Variants in EVL observed in about 807,000 individuals in gnomAD.
EVL encodes Enah/Vasp-like.
In EVL, 21 loss-of-function variants were observed where a neutral mutation model predicts 59.6. That is an observed-to-expected ratio of 0.35 (90% CI 0.25 to 0.51). EVL has a LOEUF of 0.51. Among genes scored for constraint, EVL ranks in the 20% least tolerant of loss-of-function variants. The pLI is 0.97. For synonymous variants in EVL, 198 were observed against 203.5 expected (o/e 0.97, Z 0.23); for missense variants, 462 against 546.6 (o/e 0.85, Z 1.54).
intron 1 of EVL, among the ~76,000 whole-genome samples, chr14:100,000,340 CT>C (rs60864913): frequency 0.088 from 8,776 of 99,400 alleles, 221 homozygotes; most frequent in African/African-American, 0.23. Context: ...CTGTTGCATT[CT>C]TTTTTTTTTT....
intron 10 of EVL, 22 bp downstream of exon 10, chr14:100,137,666 T>G: frequency 6.2e-7 from 1 of 1,614,142 alleles, no homozygotes. Context: ...CAGGAAGGCC[T>G]GAGCAGCGAG....
At chr14:100,020,701 T>C (rs2061108380) in intron 1 of EVL, among the ~76,000 whole-genome samples, 1 of 152,178 alleles carries the variant, frequency 6.6e-6, no homozygotes, top group Non-Finnish European at 1.5e-5. Flanking sequence ...AAGAGAAAAC[T>C]ACAGACCTGT....
chr14:100,034,816 A>AAAGCC (rs1243214397), intron 1 of EVL, among the ~76,000 whole-genome samples: 1 of 152,148 alleles, frequency 6.6e-6, no homozygotes, highest in Non-Finnish European at 1.5e-5. Context: ...TCCTCCTCTT[A>AAAGCC]TTGGTAATTA....
At position 100,123,626 on chromosome 14, in the gene EVL, A is replaced by G. The variant is rs748793176; in HGVS notation, c.422+24A>G. Reference sequence around the variant, plus strand: ...AGGTAACCCAGCACCCGCAGGGGCCAGGCTGGTCATCTCCCAATCAGGCTG... The same window carrying G: ...AGGTAACCCAGCACCCGCAGGGGCCGGGCTGGTCATCTCCCAATCAGGCTG... On this transcript the variant is annotated intron_variant, in intron 4 of 13. Transcript: ENST00000392920. 3.7e-6 allele frequency: 6 copies of G among 1,613,458 alleles called. No homozygotes were observed. In the East Asian group the frequency reaches 1.1e-4, roughly 30 times the overall value.
At chr14:100,031,169 G>A (rs932298922) in intron 1 of EVL, among the ~76,000 whole-genome samples, 5 of 152,166 alleles carry the variant, frequency 3.3e-5, no homozygotes. Context: ...CAACTGGGAA[G>A]GCCCATTGCA....
chr14:100,126,946 G>C (rs994606826), intron 5 of EVL, among the ~76,000 whole-genome samples, 175 bp downstream of exon 5: 1 of 152,202 alleles, frequency 6.6e-6, no homozygotes, highest in Admixed American at 6.5e-5. Context: ...CAGAGCAGAG[G>C]CTTGGGGAGT....
chr14:100,084,371 G>A (rs1457830923), intron 1 of EVL, among the ~76,000 whole-genome samples: 1 of 152,114 alleles, frequency 6.6e-6, no homozygotes, highest in Admixed American at 6.5e-5. Context: ...TACAGTACAT[G>A]GAATGTTGTG....
chr14:100,119,132 G>T lies in EVL; in HGVS notation c.359-4407G>T, dbSNP rs150818979. Among the ~76,000 whole-genome samples, 32 of 152,336 alleles carry T rather than the reference G, an allele frequency of 2.1e-4. 1 individual carries two copies. The East Asian group carries it at 2.5e-3, about 12-fold the overall frequency. On this transcript the variant is annotated intron_variant, in intron 3 of 13. Transcript: ENST00000392920. ...ATGAATGCCCAGCCACCCTGCTCTT[G>T]TTTGATGTTGGACCTGAAATTTCCC... is the stretch of plus-strand genomic sequence containing the variant.
chr14:100,119,418 C>T (rs57612702), intron 3 of EVL, among the ~76,000 whole-genome samples: 15,910 of 152,194 alleles, frequency 0.1, 1,257 homozygotes, highest in African/African-American at 0.21. Flanking sequence ...CCCTGTGGCT[C>T]TGGGCAAGTC....
chr14:100,013,093 C>G (rs2061027032), intron 1 of EVL, among the ~76,000 whole-genome samples: 1 of 152,046 alleles, frequency 6.6e-6, no homozygotes, highest in Admixed American at 6.6e-5. Flanking sequence ...TCTAGCCATT[C>G]TAGTTCCATC....
At chr14:100,047,575 TA>T (rs2061574143) in intron 1 of EVL, among the ~76,000 whole-genome samples, 1 of 152,208 alleles carries the variant, frequency 6.6e-6, no homozygotes, top group Admixed American at 6.5e-5. Context: ...TTTGCCTTAT[TA>T]TCTTAGTTGC....
In EVL at chr14:100,135,979, G is replaced by C. The variant is rs775398910; in HGVS notation, c.964+11G>C. 1.2e-6 allele frequency: 2 copies of C among 1,613,112 alleles called. No individual in the cohort carries two copies. Among genetic ancestry groups the C allele is most frequent in the South Asian group, 1.1e-5 (1 of 91,068 alleles). Reference sequence around the variant, plus strand: ...CACCTAACTCCTCAGGTGAGAGGGCGCCCCCCGCTGACCCCAGTGAGGCAT... The same window carrying C: ...CACCTAACTCCTCAGGTGAGAGGGCCCCCCCCGCTGACCCCAGTGAGGCAT... On this transcript the variant is annotated intron_variant, in intron 9 of 13. Coordinates refer to ENST00000392920, the MANE Select transcript of EVL (RefSeq NM_016337.3).
At chr14:100,010,987 G>A (rs143006279) in intron 1 of EVL, among the ~76,000 whole-genome samples, 352 of 152,282 alleles carry the variant, frequency 2.3e-3, no homozygotes, top group African/African-American at 7.7e-3. Flanking sequence ...CTCAACTTTG[G>A]ATTTCAAGAT....
chr14:100,095,503 T>C (rs1362488515), intron 2 of EVL, among the ~76,000 whole-genome samples: 1 of 152,228 alleles, frequency 6.6e-6, no homozygotes, highest in East Asian at 1.9e-4. Context: ...TACTAGTTAT[T>C]ATTTGCTAGT....
intron 1 of EVL, among the ~76,000 whole-genome samples, chr14:99,988,707 A>G (rs2060856603): frequency 6.6e-6 from 1 of 152,260 alleles, no homozygotes; most frequent in African/African-American, 2.4e-5. Context: ...TGAATGGATA[A>G]ACAAAATGTG....
At chr14:100,115,347 C>T (rs1377492264) in intron 3 of EVL, among the ~76,000 whole-genome samples, 1 of 152,116 alleles carries the variant, frequency 6.6e-6, no homozygotes, top group Non-Finnish European at 1.5e-5. Context: ...CCCTGGGCCT[C>T]GGGACCCCTC....
chr14:99,982,189 C>T (rs894929552), intron 1 of EVL, among the ~76,000 whole-genome samples: 1 of 152,144 alleles, frequency 6.6e-6, no homozygotes, highest in African/African-American at 2.4e-5. Flanking sequence ...ACAAGTGAAA[C>T]ATTTTTACAA....
upstream of EVL, among the ~76,000 whole-genome samples, chr14:100,061,751 G>A (rs1353684608): frequency 1.3e-5 from 2 of 152,044 alleles, no homozygotes; most frequent in Non-Finnish European, 2.9e-5. Context: ...TGTATATTAT[G>A]TGTATTATAC....
intron 1 of EVL, among the ~76,000 whole-genome samples, chr14:100,018,592 C>G (rs959062089): frequency 6.6e-6 from 1 of 152,104 alleles, no homozygotes; most frequent in Non-Finnish European, 1.5e-5. Flanking sequence ...GAGTGAGGGG[C>G]GCTGAGGGCA....
Sources: allele counts gnomAD v4.1 joint callset (sites outside exome capture counted in the v4.1 genomes callset), GRCh38; gene constraint gnomAD v4.1.1; transcripts MANE v1.5; gene names NCBI Gene and HGNC (gene_info 2026-07-23, HGNC 2026-07-21).